The following ATF7IP2 variants were observed in gnomAD, a reference collection of about 807,000 sequenced individuals.
ATF7IP2 encodes activating transcription factor 7-interacting protein 2.
ATF7IP2 carries 42 observed loss-of-function variants against 64.2 expected under a neutral mutation model. That is an observed-to-expected ratio of 0.65 (90% confidence interval 0.51 to 0.85). ATF7IP2 has a LOEUF of 0.85. ATF7IP2 is among the 40% of genes least tolerant of loss of function. ATF7IP2 has a pLI of 0.00. For synonymous variants in ATF7IP2, 308 were observed against 272.8 expected (o/e 1.13, Z -1.27); for missense variants, 933 against 784.2 (o/e 1.19, Z -2.27).
chr16:10,480,923 A>C lies in ATF7IP2; in HGVS notation c.1594A>C (p.Asn532His). The C allele has an allele frequency of 9.3e-6, 15 of 1,613,292 alleles. No homozygotes were observed. Among genetic ancestry groups the C allele is most frequent in the Non-Finnish European group, 1.3e-5 (15 of 1,179,278 alleles). Reference protein sequence around the residue: ...PLESHSKAASNSKETTPLAQN... With the variant: ...PLESHSKAASHSKETTPLAQN... ...GGAGTCACATTCGAAAGCTGCTTCAAACTCAAAGGAAACAACCCCATTGGC... is the reference window on the plus strand; with the variant it reads ...GGAGTCACATTCGAAAGCTGCTTCACACTCAAAGGAAACAACCCCATTGGC... The change falls in exon 13 of 14, where the codon AAC becomes CAC. Residue 532 changes from asparagine (N) to histidine (H), a missense_variant. Coordinates refer to ENST00000562102, the MANE Select transcript of ATF7IP2 (RefSeq NM_001393719.1).
intron 9 of ATF7IP2, among the ~76,000 whole-genome samples, chr16:10,470,363 A>G (rs1455620548): frequency 6.6e-6 from 1 of 152,210 alleles, no homozygotes. Flanking sequence ...GTATTACTGA[A>G]GAAATTAAAG....
intron 8 of ATF7IP2, among the ~76,000 whole-genome samples, chr16:10,442,700 T>C (rs2048668865): frequency 6.6e-6 from 1 of 152,132 alleles, no homozygotes; most frequent in African/African-American, 2.4e-5. Flanking sequence ...AGGTAAAACA[T>C]TGGGTTCCTA....
At chr16:10,475,722 G>GAAAAAAAAAAAAAAAAAAAAAAAAAAA (rs386384218) in intron 12 of ATF7IP2, among the ~76,000 whole-genome samples, 2 of 41,644 alleles carry the variant, frequency 4.8e-5, no homozygotes, top group African/African-American at 2.4e-4. Flanking sequence ...TAAGAAGCCA[G>GAAAAAAAAAAAAAAAAAAAAAAAAAAA]AAAAAAAAAA....
chr16:10,416,716 G>A (rs563370920), intron 2 of ATF7IP2, among the ~76,000 whole-genome samples: 1 of 152,286 alleles, frequency 6.6e-6, no homozygotes, highest in Non-Finnish European at 1.5e-5. Flanking sequence ...AGAATCACAT[G>A]AACCCAGTAG....
At chr16:10,412,902 C>T (rs2047800058) in intron 1 of ATF7IP2, among the ~76,000 whole-genome samples, 3 of 152,120 alleles carry the variant, frequency 2.0e-5, no homozygotes, top group Admixed American at 1.3e-4. Flanking sequence ...TGCTTTTTAT[C>T]ATTATATAAT....
At chr16:10,401,874 T>C (rs916580487) in intron 1 of ATF7IP2, among the ~76,000 whole-genome samples, 2 of 151,432 alleles carry the variant, frequency 1.3e-5, no homozygotes, top group African/African-American at 2.4e-5. Flanking sequence ...CCATTTCCCA[T>C]AGGGTTTCCT....
At chr16:10,390,502 G>T (rs571735871) in intron 1 of ATF7IP2, among the ~76,000 whole-genome samples, 2 of 152,274 alleles carry the variant, frequency 1.3e-5, no homozygotes, top group East Asian at 1.9e-4. Flanking sequence ...AAGGTAATAG[G>T]CTGGGCATGC....
rs2050260028 is a variant in ATF7IP2, at chr16:10,482,194, A to G, written c.1994A>G (p.Tyr665Cys). The G allele has an allele frequency of 1.2e-6, 2 of 1,612,376 alleles. No homozygotes were observed. Among genetic ancestry groups the G allele is most frequent in the Non-Finnish European group, 1.7e-6 (2 of 1,179,186 alleles). ...CAATCAAAAGATATTTTTGGACGAT[A>G]TGGACCATTCTGTGATATAAAATCT... ...TVQSKDIFGR[Y>C]GPFCDIKSIP... Residue 665 changes from tyrosine (Y) to cysteine (C), a missense_variant, in exon 14 of 14, where the codon TAT (tyrosine) becomes TGT (cysteine). By Grantham distance (194) the Tyr-to-Cys change is radical (BLOSUM62 -2). Coordinates refer to ENST00000562102, the MANE Select transcript of ATF7IP2 (RefSeq NM_001393719.1).
At chr16:10,418,247 C>A (rs571478129) in intron 2 of ATF7IP2, among the ~76,000 whole-genome samples, 1 of 152,330 alleles carries the variant, frequency 6.6e-6, no homozygotes, top group South Asian at 2.1e-4. Flanking sequence ...ACGCCTTAAG[C>A]GGTTTTCCAC....
chr16:10,408,763 TAAAG>T (rs1766844318), intron 1 of ATF7IP2, among the ~76,000 whole-genome samples: 1 of 152,252 alleles, frequency 6.6e-6, no homozygotes, highest in African/African-American at 2.4e-5. Flanking sequence ...GTATAGGTTA[TAAAG>T]ATTTTCTCCC....
chr16:10,435,014 C>T (rs28652578), intron 6 of ATF7IP2, among the ~76,000 whole-genome samples: 6,340 of 152,246 alleles, frequency 0.042, 472 homozygotes, highest in African/African-American at 0.15. Context: ...GTGATCCGCC[C>T]GCCTCGGCCT....
chr16:10,459,033 T>G (rs1019403554), intron 9 of ATF7IP2, among the ~76,000 whole-genome samples: 43 of 149,042 alleles, frequency 2.9e-4, no homozygotes, highest in African/African-American at 1.0e-3. Context: ...TAAAAAATAA[T>G]AATAATAATA....
intron 1 of ATF7IP2, among the ~76,000 whole-genome samples, chr16:10,401,753 G>A (rs1006483811): frequency 7.7e-6 from 1 of 130,474 alleles, no homozygotes; most frequent in African/African-American, 2.6e-5. Context: ...TTGTTGTTGG[G>A]AGTCTTTTTT....
chr16:10,408,162 G>A (rs530532022), intron 1 of ATF7IP2, among the ~76,000 whole-genome samples: 1 of 152,152 alleles, frequency 6.6e-6, no homozygotes, highest in African/African-American at 2.4e-5. Context: ...CACCTGCCTT[G>A]GCCTCCCAAA....
chr16:10,430,977 A>G lies in ATF7IP2; in HGVS notation c.357A>G (p.Pro119=). 3.7e-6 allele frequency: 6 copies of G among 1,614,174 alleles called. No individual in the cohort carries two copies. In the South Asian group the frequency reaches 6.6e-5, roughly 18 times the overall value. Residue 119 remains proline (P), a synonymous_variant, in exon 5 of 14, where the codon CCA becomes CCG. Coordinates refer to ENST00000562102, the MANE Select transcript of ATF7IP2 (RefSeq NM_001393719.1). ...AAGTTGTTTGTTCGTACCAAAAGCC[A>G]AGTAGAACAACAGAATCCCCCAGCA... ...LEQVVCSYQK[P]SRTTESPSRV...
chr16:10,440,916 G>T (rs111434984), intron 8 of ATF7IP2, among the ~76,000 whole-genome samples: 6 of 151,872 alleles, frequency 4.0e-5, no homozygotes, highest in Non-Finnish European at 7.4e-5. Context: ...CCCACCCCCT[G>T]ACAGGCCCTG....
chr16:10,482,248 A>T lies in ATF7IP2; in HGVS notation c.2048A>T (p.Ter683LeuextTer34). Residue 683 changes from the stop codon to leucine (L), a stop_lost, in exon 14 of 14, where the codon TAA (stop) becomes TTA (leucine). Transcript: ENST00000562102. Reference sequence around the variant, plus strand: ...CCTGGGTTTTCTGAAAATCTTACGTAAAAGGTGTTTAATAATGATATACTA... The same window carrying T: ...CCTGGGTTTTCTGAAAATCTTACGTTAAAGGTGTTTAATAATGATATACTA... ...SIPGFSENLT* is the reference protein window; with the variant it reads ...SIPGFSENLTL 1 of 1,570,806 alleles carries T rather than the reference A, an allele frequency of 6.4e-7. No individual in the cohort carries two copies. The highest frequency in any genetic ancestry group is 8.6e-7 in the Non-Finnish European group (1 of 1,158,778).
chr16:10,471,349 G>A (rs1042863657), intron 9 of ATF7IP2, among the ~76,000 whole-genome samples: 22 of 152,116 alleles, frequency 1.4e-4, no homozygotes, highest in African/African-American at 5.3e-4. Context: ...CCAACATGGT[G>A]AAACCCTGTC....
At chr16:10,449,797 A>T (rs2048927912) in intron 8 of ATF7IP2, 1 of 151,822 alleles carries the variant, frequency 6.6e-6, no homozygotes, top group Non-Finnish European at 1.5e-5. Context: ...GTTTGTTTTT[A>T]AGGGTTTTTC....
Sources: allele counts gnomAD v4.1 joint callset (sites outside exome capture counted in the v4.1 genomes callset), GRCh38; gene constraint gnomAD v4.1.1; transcripts MANE v1.5; gene names NCBI Gene and HGNC (gene_info 2026-07-23, HGNC 2026-07-21).